Variants in CMIP observed in about 807,000 individuals in gnomAD.
CMIP encodes C-Maf-inducing protein.
Under a neutral mutation model 97.3 loss-of-function variants are expected in CMIP, and 13 were observed. That is an observed-to-expected ratio of 0.13 (90% CI 0.09 to 0.21). CMIP has a LOEUF of 0.21. CMIP is among the 10% of genes least tolerant of loss of function. The pLI is 1.00. For synonymous variants in CMIP, 538 were observed against 436.3 expected, an observed-to-expected ratio of 1.23 and a Z score of -2.91; for missense variants, 847 against 1,024.9, an observed-to-expected ratio of 0.83 and a Z score of 2.37.
intron 1 of CMIP, among the ~76,000 whole-genome samples, chr16:81,461,257 G>T (rs1030594917): frequency 6.6e-6 from 1 of 152,212 alleles, no homozygotes; most frequent in Non-Finnish European, 1.5e-5. Context: ...ACTGAATTCA[G>T]CCATGGCCCA....
chr16:81,670,031 C>G, intron 7 of CMIP, 111 bp from the exon 8 acceptor site: 1 of 1,016,754 alleles, frequency 9.8e-7, no homozygotes, highest in Non-Finnish European at 1.4e-6. Context: ...CCTTCCACAT[C>G]AACAGCTCCA....
intron 1 of CMIP, among the ~76,000 whole-genome samples, chr16:81,604,446 T>C (rs2091708866): frequency 7.1e-6 from 1 of 140,494 alleles, no homozygotes; most frequent in Admixed American, 7.2e-5. Context: ...ATGCCTGTAA[T>C]CCCAGCACTT....
chr16:81,616,404 C>T lies in CMIP; in HGVS notation c.427-4472C>T, dbSNP rs2091918828. ...TGCAGAGGCACCCCACTGCCTGCTC[C>T]GAGCCTCAGCTTCCTCATCTGTAAG... On this transcript the variant is annotated intron_variant, in intron 2 of 20. Coordinates refer to ENST00000537098, the MANE Select transcript of CMIP (RefSeq NM_198390.3). This position sits in a 1 kb window ranked among gnomAD's most constrained non-coding sequence, Gnocchi z 4.7. Among the ~76,000 whole-genome samples, 1 of 152,146 alleles carries T rather than the reference C, an allele frequency of 6.6e-6. No individual in the cohort carries two copies. Among genetic ancestry groups the T allele is most frequent in the Non-Finnish European group, 1.5e-5 (1 of 68,032 alleles).
intron 1 of CMIP, among the ~76,000 whole-genome samples, chr16:81,592,920 G>A (rs2150921479): frequency 6.6e-6 from 1 of 152,358 alleles, no homozygotes; most frequent in East Asian, 1.9e-4. Context: ...TGACTTTAGG[G>A]CATCTTTGTG....
At chr16:81,478,302 G>A (rs2150753925) in intron 1 of CMIP, among the ~76,000 whole-genome samples, 1 of 152,354 alleles carries the variant, frequency 6.6e-6, no homozygotes, top group South Asian at 2.1e-4. Context: ...GAGTGGTAAG[G>A]TATCAGCAAG....
chr16:81,550,519 G>T (rs1051023725), intron 1 of CMIP, among the ~76,000 whole-genome samples: 3 of 152,172 alleles, frequency 2.0e-5, no homozygotes, highest in Non-Finnish European at 4.4e-5. Flanking sequence ...GGGCAGGATG[G>T]TGTTGACAGG....
At chr16:81,551,112 TCCCAGTTCCATCACACGCAC>T (rs1289415503) in intron 1 of CMIP, among the ~76,000 whole-genome samples, 4 of 37,512 alleles carry the variant, frequency 1.1e-4, no homozygotes, top group Admixed American at 9.0e-4. Context: ...ATCACATATA[TCCCAGTTCCATCACACGCAC>T]CCCAGTTCCA....
At position 81,705,558 on chromosome 16, in the gene CMIP, C is replaced by T; in HGVS notation, c.2151C>T (p.Asn717=). ...ACCTCACCATGCTCCAGGTGCTGAA[C>T]CTGTGCGAGACCCCGGTCACAGACG... ...SEHLTMLQVL[N]LCETPVTDAG... The change falls in exon 19 of 21, where the codon AAC becomes AAT. Residue 717 remains asparagine (N), a synonymous_variant. Transcript: ENST00000537098. 6.2e-7 allele frequency: 1 copy of T among 1,609,428 alleles called. No individual in the cohort carries two copies.
chr16:81,649,697 A>G (rs1428034582), intron 3 of CMIP, among the ~76,000 whole-genome samples: 1 of 152,260 alleles, frequency 6.6e-6, no homozygotes, highest in African/African-American at 2.4e-5. Context: ...ATCTTTCAAA[A>G]GTAAATAATG....
chr16:81,629,861 TCA>T (rs1225920500), intron 3 of CMIP, among the ~76,000 whole-genome samples: 1 of 152,234 alleles, frequency 6.6e-6, no homozygotes, highest in Non-Finnish European at 1.5e-5. Context: ...CCAGCTTTCC[TCA>T]GTTATAGATA....
intron 1 of CMIP, among the ~76,000 whole-genome samples, chr16:81,502,814 G>T (rs2089637460): frequency 6.6e-6 from 1 of 152,196 alleles, no homozygotes; most frequent in Admixed American, 6.5e-5. Context: ...AAAGCCTTCT[G>T]GCTATGTGAC....
At chr16:81,537,406 G>A (rs1203184283) in intron 1 of CMIP, among the ~76,000 whole-genome samples, 2 of 151,838 alleles carry the variant, frequency 1.3e-5, no homozygotes, top group Non-Finnish European at 2.9e-5. Flanking sequence ...ATGGTGGCAC[G>A]CACCTGTAGT....
At chr16:81,663,004 C>T (rs1435309483) in intron 6 of CMIP, among the ~76,000 whole-genome samples, 13 of 152,154 alleles carry the variant, frequency 8.5e-5, no homozygotes, top group Admixed American at 7.8e-4. Flanking sequence ...TGTCAGAACG[C>T]CTATGTGTAC....
chr16:81,551,419 T>C (rs528003094), intron 1 of CMIP, among the ~76,000 whole-genome samples: 34 of 152,234 alleles, frequency 2.2e-4, no homozygotes, highest in Non-Finnish European at 4.3e-4. Context: ...ATTGGCTTCC[T>C]GGAATCCCAG....
intron 1 of CMIP, among the ~76,000 whole-genome samples, chr16:81,599,231 C>T (rs926291095): frequency 1.1e-4 from 16 of 151,986 alleles, no homozygotes; most frequent in Middle Eastern, 3.2e-3. Context: ...ACAACAGCCC[C>T]GGGGCAAGGA....
intron 1 of CMIP, among the ~76,000 whole-genome samples, chr16:81,577,907 C>G (rs951775676): frequency 2.0e-5 from 3 of 149,050 alleles, no homozygotes; most frequent in Non-Finnish European, 3.0e-5. Flanking sequence ...GCTATTATCA[C>G]TGTCACCATC....
intron 1 of CMIP, among the ~76,000 whole-genome samples, chr16:81,548,371 C>T (rs1000358244): frequency 1.3e-4 from 20 of 152,146 alleles, no homozygotes; most frequent in Admixed American, 3.3e-4. Flanking sequence ...TGAGCTGAAG[C>T]GGTCCTCTTG....
intron 3 of CMIP, among the ~76,000 whole-genome samples, chr16:81,650,579 G>A (rs563948986): frequency 3.9e-5 from 6 of 152,270 alleles, no homozygotes; most frequent in South Asian, 2.1e-4. Context: ...CATGGGGTGC[G>A]GGAAAATAAT....
rs2089563290 is a variant in CMIP at position 81,499,838 on chromosome 16, G to A, written c.300+54297G>A. 2.0e-5 allele frequency among the ~76,000 whole-genome samples: 3 copies of A among 152,240 alleles called. No individual in the cohort carries two copies. The South Asian group carries it at 6.2e-4, about 31-fold the overall frequency. ...CAGCAACTCGCAGTTGTTGCCTGTG[G>A]CATTCAGATTCAAGTCTGGGCTTGT... On this transcript the variant is annotated intron_variant, in intron 1 of 20. Transcript: ENST00000537098.
Sources: gnomAD v4.1 joint callset for allele counts (sites outside exome capture counted in the v4.1 genomes callset) on GRCh38, gnomAD v4.1.1 for gene constraint, Gnocchi (gnomAD v3.1) non-coding constraint, MANE v1.5 for transcripts, NCBI Gene and HGNC (gene_info 2026-07-23, HGNC 2026-07-21) for gene names.